TSPAN5: variants seen among roughly 807,000 people sequenced by gnomAD.
TSPAN5 encodes the protein tetraspanin 5.
Under a neutral mutation model 37.1 loss-of-function variants are expected in TSPAN5, and 10 were observed. The ratio of observed to expected loss-of-function variants is 0.27; its 90% CI spans 0.17 to 0.46. TSPAN5 has a LOEUF of 0.46. Among genes scored for constraint, TSPAN5 ranks in the 20% least tolerant of loss-of-function variants. The pLI, the probability that TSPAN5 is intolerant of heterozygous loss-of-function variation, is 1.00. For synonymous variants in TSPAN5, 110 were observed against 118.9 expected (o/e 0.93, Z 0.48); for missense variants, 195 against 326.6 (o/e 0.60, Z 3.11).
intron 1 of TSPAN5, among the ~76,000 whole-genome samples, chr4:98,509,618 A>G (rs1268542914): frequency 6.6e-6 from 1 of 152,148 alleles, no homozygotes; most frequent in Non-Finnish European, 1.5e-5. Context: ...ACTCCTTGGA[A>G]AGTGTTCAGA....
intron 1 of TSPAN5, among the ~76,000 whole-genome samples, chr4:98,537,435 C>CG (rs1754261049): frequency 6.6e-6 from 1 of 152,158 alleles, no homozygotes. Flanking sequence ...TGTTCCTATT[C>CG]GGCCATCTTG....
chr4:98,597,481 G>A (rs1248121916), intron 1 of TSPAN5, among the ~76,000 whole-genome samples: 1 of 47,370 alleles, frequency 2.1e-5, no homozygotes, highest in Non-Finnish European at 3.4e-5. Context: ...TGCTGGTGAG[G>A]AACTGCGTTC....
intron 2 of TSPAN5, among the ~76,000 whole-genome samples, chr4:98,495,531 C>CAA (rs10555303): frequency 1.8e-4 from 24 of 130,920 alleles, no homozygotes; most frequent in African/African-American, 6.5e-4. Context: ...GCCTCCGTCT[C>CAA]AAAAAAAAAA....
chr4:98,631,433 G>A (rs967782679), intron 1 of TSPAN5, among the ~76,000 whole-genome samples: 7 of 152,088 alleles, frequency 4.6e-5, no homozygotes, highest in Admixed American at 4.6e-4. Context: ...ACCTGTACCT[G>A]TGAAACAAAC....
At chr4:98,577,640 C>G (rs1755269686) in intron 1 of TSPAN5, among the ~76,000 whole-genome samples, 1 of 152,196 alleles carries the variant, frequency 6.6e-6, no homozygotes, top group Non-Finnish European at 1.5e-5. Context: ...AATGACGAAG[C>G]CCTGAGGAAA....
intron 2 of TSPAN5, among the ~76,000 whole-genome samples, chr4:98,493,373 G>A (rs1042251521): frequency 1.3e-5 from 2 of 152,130 alleles, no homozygotes; most frequent in African/African-American, 4.8e-5. Flanking sequence ...ACTAGACTTC[G>A]CAGATAACAT....
chr4:98,606,145 T>A (rs1295035696), intron 1 of TSPAN5, among the ~76,000 whole-genome samples: 5 of 152,162 alleles, frequency 3.3e-5, no homozygotes, highest in Admixed American at 2.6e-4. Context: ...CTAAACAAAC[T>A]CCAATCGAGT....
chr4:98,588,758 C>A (rs995436529), intron 1 of TSPAN5, among the ~76,000 whole-genome samples: 1 of 152,200 alleles, frequency 6.6e-6, no homozygotes, highest in Non-Finnish European at 1.5e-5. Flanking sequence ...TTAAGCTCTA[C>A]AATAACTTGT....
chr4:98,571,451 CTTTTTT>C (rs149449613), intron 1 of TSPAN5, among the ~76,000 whole-genome samples: 1 of 132,456 alleles, frequency 7.5e-6, no homozygotes, highest in Admixed American at 7.7e-5. Flanking sequence ...ACCGTTCTGG[CTTTTTT>C]TTTTTTTTTT....
intron 1 of TSPAN5, among the ~76,000 whole-genome samples, chr4:98,521,334 G>A (rs1753851897): frequency 6.6e-6 from 1 of 152,132 alleles, no homozygotes; most frequent in Admixed American, 6.6e-5. Context: ...CAAGGGTCAG[G>A]GAGACTTACT....
chr4:98,503,496 T>C (rs1014191142), intron 2 of TSPAN5, among the ~76,000 whole-genome samples: 1 of 152,070 alleles, frequency 6.6e-6, no homozygotes, highest in African/African-American at 2.4e-5. Context: ...GTGGAAAGAC[T>C]TATTCTGTGG....
chr4:98,620,447 G>A (rs1231680360), intron 1 of TSPAN5, among the ~76,000 whole-genome samples: 2 of 152,144 alleles, frequency 1.3e-5, no homozygotes, highest in Non-Finnish European at 2.9e-5. Flanking sequence ...GCAGAGATAA[G>A]CCTTCCTCAC....
In TSPAN5 at chr4:98,522,246, A is replaced by T. The variant is rs369427039; in HGVS notation, c.82-14518T>A. 2.0e-5 allele frequency among the ~76,000 whole-genome samples: 3 copies of T among 152,192 alleles called. 1 individual carries two copies. The South Asian group carries it at 6.2e-4, about 32-fold the overall frequency. On this transcript the variant is annotated intron_variant, in intron 1 of 7. Coordinates refer to ENST00000305798, the MANE Select transcript of TSPAN5 (RefSeq NM_005723.4). ...CACTGACTTCTTGTTAGAATTCAGA[A>T]AGCTTCTTTAAAATGAAACCTGATT...
At chr4:98,504,010 A>G (rs778231889) in intron 2 of TSPAN5, among the ~76,000 whole-genome samples, 9 of 152,238 alleles carry the variant, frequency 5.9e-5, no homozygotes, top group Non-Finnish European at 1.3e-4. Flanking sequence ...GACAAAATGA[A>G]TTCTTTAAAT....
intron 1 of TSPAN5, among the ~76,000 whole-genome samples, chr4:98,553,910 T>C (rs980623148): frequency 6.6e-6 from 1 of 151,828 alleles, no homozygotes; most frequent in Non-Finnish European, 1.5e-5. Flanking sequence ...CTACTAAAAA[T>C]ACAAAAATTA....
chr4:98,612,017 G>A (rs57784402), intron 1 of TSPAN5, among the ~76,000 whole-genome samples: 3,236 of 152,286 alleles, frequency 0.021, 92 homozygotes, highest in African/African-American at 0.074. Context: ...ACATGGCATT[G>A]TTATCAATAA....
intron 5 of TSPAN5, among the ~76,000 whole-genome samples, chr4:98,477,182 G>A (rs1326466934): frequency 6.6e-6 from 1 of 152,208 alleles, no homozygotes; most frequent in African/African-American, 2.4e-5. Flanking sequence ...GACAGGAGGC[G>A]CACTGTGCGG....
At chr4:98,540,133 T>A (rs1006011704) in intron 1 of TSPAN5, among the ~76,000 whole-genome samples, 1 of 152,234 alleles carries the variant, frequency 6.6e-6, no homozygotes, top group Admixed American at 6.5e-5. Context: ...AAAGTTTGTT[T>A]TAAGCTGCTA....
At chr4:98,631,702 T>A (rs1756752425) in intron 1 of TSPAN5, among the ~76,000 whole-genome samples, 1 of 152,116 alleles carries the variant, frequency 6.6e-6, no homozygotes, top group African/African-American at 2.4e-5. Context: ...AGACTAGTGG[T>A]GTCATAAAAA....
Sources: gnomAD v4.1 joint callset for allele counts (sites outside exome capture counted in the v4.1 genomes callset) on GRCh38, gnomAD v4.1.1 for gene constraint, MANE v1.5 for transcripts, NCBI Gene and HGNC (gene_info 2026-07-23, HGNC 2026-07-21) for gene names.